BMPR1A: variants seen among roughly 807,000 people sequenced by gnomAD.
The protein encoded by BMPR1A is bone morphogenetic protein receptor type-1A.
A neutral mutation model predicts 66.0 loss-of-function variants in BMPR1A; 7 were observed. That is an observed-to-expected ratio of 0.11 (90% CI 0.06 to 0.20). The LOEUF is 0.20. BMPR1A is among the 10% of genes least tolerant of loss of function. The pLI, the probability that BMPR1A is intolerant of heterozygous loss-of-function variation, is 1.00. For missense variants in BMPR1A, 408 were observed against 669.1 expected (o/e 0.61, Z 4.31); for synonymous variants, 200 against 229.7 (o/e 0.87, Z 1.17).
At chr10:86,829,187 T>C (rs1016862571) in intron 1 of BMPR1A, among the ~76,000 whole-genome samples, 2 of 152,280 alleles carry the variant, frequency 1.3e-5, no homozygotes, top group Admixed American at 1.3e-4. Flanking sequence ...TAGTGATTTT[T>C]TCTTCTTTGC....
intron 2 of BMPR1A, among the ~76,000 whole-genome samples, chr10:86,872,115 G>A (rs914395941): frequency 2.0e-5 from 3 of 152,300 alleles, no homozygotes; most frequent in South Asian, 2.1e-4. Flanking sequence ...TATTGAGCTC[G>A]TAGTCAGGGA....
At chr10:86,883,294 G>C (rs1843017158) in intron 3 of BMPR1A, among the ~76,000 whole-genome samples, 1 of 151,814 alleles carries the variant, frequency 6.6e-6, no homozygotes, top group Non-Finnish European at 1.5e-5. Flanking sequence ...TTCAAGACCA[G>C]CCTGCCAGCA....
intron 8 of BMPR1A, among the ~76,000 whole-genome samples, 199 bp from the exon 9 acceptor site, chr10:86,916,935 G>A (rs1301530914): frequency 6.6e-6 from 1 of 151,972 alleles, no homozygotes; most frequent in Non-Finnish European, 1.5e-5. Flanking sequence ...GAAGGTTGCA[G>A]TGAGCCGAGA....
At chr10:86,905,748 C>T (rs1294839797) in intron 7 of BMPR1A, among the ~76,000 whole-genome samples, 1 of 151,338 alleles carries the variant, frequency 6.6e-6, no homozygotes, top group Non-Finnish European at 1.5e-5. Flanking sequence ...TTAGGGGACT[C>T]CTGGTCCTAG....
Position 86,927,155 on chromosome 10 carries a change from A to T in BMPR1A, c.*3436A>T, listed in dbSNP as rs1403562455. ...TCTAACAATCAGTACTTTTCTTCAG[A>T]TGCTTTGTTCTGTTTAGAACAAAAA... On this transcript the variant is annotated 3_prime_UTR_variant, in exon 13 of 13. Coordinates refer to ENST00000372037, the MANE Select transcript of BMPR1A (RefSeq NM_004329.3). 5.3e-6 allele frequency: 1 copy of T among 187,230 alleles called. No individual in the cohort carries two copies. Among genetic ancestry groups the T allele is most frequent in the African/African-American group, 2.3e-5 (1 of 42,758 alleles). The allele number at this position is 187,230 out of a possible 1,614,324, so 11.6% of individuals were successfully genotyped here.
rs1179044384 is a variant in BMPR1A, at chr10:86,923,679, C to T, written c.1559C>T (p.Thr520Met). The change falls in exon 13 of 13, where the codon ACG (threonine) becomes ATG (methionine). Residue 520 changes from threonine to methionine, a missense_variant. Around this residue, in one of 5 missense-constraint regions of BMPR1A, gnomAD observed 130 missense variants for 257.3 expected, o/e 0.51. Transcript: ENST00000372037. The part of the protein sequence containing the change: ...SRLTALRIKK[T>M]LAKMVESQDV... ...CTCACAGCATTGAGAATTAAGAAGA[C>T]GCTTGCCAAGATGGTTGAATCCCAA... 4 of 1,614,042 alleles carry T rather than the reference C, an allele frequency of 2.5e-6. No homozygotes were observed. The highest frequency in any genetic ancestry group is 3.4e-6 in the Non-Finnish European group (4 of 1,180,052).
At chr10:86,800,918 T>C (rs1428963352) in intron 1 of BMPR1A, among the ~76,000 whole-genome samples, 1 of 152,230 alleles carries the variant, frequency 6.6e-6, no homozygotes, top group Non-Finnish European at 1.5e-5. Flanking sequence ...AGTGCCGCTG[T>C]GAGGAAAATA....
chr10:86,837,278 C>G (rs981558448), intron 1 of BMPR1A, among the ~76,000 whole-genome samples: 13 of 64,340 alleles, frequency 2.0e-4, no homozygotes, highest in African/African-American at 9.7e-4. Flanking sequence ...TGTGTGTAAT[C>G]AGGCTGGTCT....
intron 1 of BMPR1A, among the ~76,000 whole-genome samples, chr10:86,760,596 C>T (rs1409966527): frequency 1.3e-5 from 2 of 152,024 alleles, no homozygotes; most frequent in Non-Finnish European, 2.9e-5. Flanking sequence ...GGGTCTGTAA[C>T]GGACTTTTCT....
intron 2 of BMPR1A, among the ~76,000 whole-genome samples, chr10:86,874,515 C>G (rs905211210): frequency 2.6e-5 from 4 of 151,932 alleles, no homozygotes; most frequent in Admixed American, 6.6e-5. Context: ...AAGCCATTCT[C>G]CTGCCTCAGC....
chr10:86,818,548 G>A (rs1462778247), intron 1 of BMPR1A, among the ~76,000 whole-genome samples: 2 of 152,186 alleles, frequency 1.3e-5, no homozygotes, highest in Non-Finnish European at 2.9e-5. Flanking sequence ...GGAAAGAAAC[G>A]TTAACTGAGG....
intron 1 of BMPR1A, among the ~76,000 whole-genome samples, chr10:86,808,643 CTTAAG>C (rs2132918814): frequency 6.6e-6 from 1 of 152,312 alleles, no homozygotes; most frequent in African/African-American, 2.4e-5. Context: ...AAGGATATTA[CTTAAG>C]TTATGAGATT....
At chr10:86,793,852 G>A (rs531644289) in intron 1 of BMPR1A, among the ~76,000 whole-genome samples, 3 of 152,250 alleles carry the variant, frequency 2.0e-5, no homozygotes, top group South Asian at 4.1e-4. Flanking sequence ...TGTTCCTTTC[G>A]GGAAGTTCTA....
chr10:86,832,391 G>T (rs1034952025), intron 1 of BMPR1A, among the ~76,000 whole-genome samples: 3 of 151,766 alleles, frequency 2.0e-5, no homozygotes, highest in Admixed American at 6.6e-5. Context: ...GCTTGAACCC[G>T]GGAGGCAGAG....
At chr10:86,865,654 T>C (rs1400270982) in intron 2 of BMPR1A, among the ~76,000 whole-genome samples, 1 of 152,158 alleles carries the variant, frequency 6.6e-6, no homozygotes, top group Non-Finnish European at 1.5e-5. Context: ...AAAGAAATTA[T>C]CTTCCCCTGC....
chr10:86,768,309 A>T (rs1042287028), intron 1 of BMPR1A, among the ~76,000 whole-genome samples: 2 of 152,190 alleles, frequency 1.3e-5, no homozygotes, highest in Admixed American at 6.6e-5. Flanking sequence ...AAAGTACATT[A>T]AAAAAACTGT....
intron 1 of BMPR1A, among the ~76,000 whole-genome samples, chr10:86,758,367 AT>A (rs200528013): frequency 0.13 from 18,789 of 140,898 alleles, 1,833 homozygotes; most frequent in African/African-American, 0.31. Flanking sequence ...AAGAGGGAGA[AT>A]TTTTTTTTTT....
intron 1 of BMPR1A, among the ~76,000 whole-genome samples, chr10:86,823,233 G>A (rs539774104): frequency 2.6e-5 from 4 of 152,078 alleles, no homozygotes; most frequent in Non-Finnish European, 4.4e-5. Context: ...TTATTCTCCC[G>A]TATAAACTTC....
At position 86,790,177 on chromosome 10, in the gene BMPR1A, AAAAAAAAAAAAATATATATATATATAT is replaced by A. The variant is rs1438367435; in HGVS notation, c.-268+33260_-268+33286del. Among the ~76,000 whole-genome samples the A allele has an allele frequency of 1.0e-3, 44 of 44,066 alleles. 2 individuals carry two copies. Among genetic ancestry groups the A allele is most frequent in the African/African-American group, 4.1e-3 (44 of 10,630 alleles). 28.9% of individuals were successfully genotyped at this position (44,066 alleles called of 152,430 possible). On this transcript the variant is annotated intron_variant, in intron 1 of 12. Coordinates refer to ENST00000372037, the MANE Select transcript of BMPR1A (RefSeq NM_004329.3). ...ACTCTGTCTCCAAAAAAAAAAAAAA[AAAAAAAAAAAAATATATATATATATAT>A]ATATATATATATATATATATATATA...
Sources: gnomAD v4.1 joint callset for allele counts (sites outside exome capture counted in the v4.1 genomes callset) on GRCh38, gnomAD v4.1.1 for gene constraint, gnomAD v4.1.1 regional missense constraint, MANE v1.5 for transcripts, NCBI Gene and HGNC (gene_info 2026-07-23, HGNC 2026-07-21) for gene names.